The following GSTO1 variants were observed in gnomAD, a reference collection of about 807,000 sequenced individuals.
GSTO1 encodes glutathione S-transferase omega-1.
A neutral mutation model predicts 23.8 loss-of-function variants in GSTO1; 27 were observed. That is an observed-to-expected ratio of 1.13 (90% CI 0.83 to 1.56). The LOEUF (loss-of-function observed/expected upper bound fraction) is 1.56, where lower values mean the gene tolerates loss of function less well. Ranked by LOEUF, GSTO1 falls within the 40% of genes most tolerant of loss-of-function variation. GSTO1 has a pLI of 0.00. For synonymous variants in GSTO1, 105 were observed against 109.3 expected, an observed-to-expected ratio of 0.96 and a Z score of 0.25; for missense variants, 255 against 285.8, an observed-to-expected ratio of 0.89 and a Z score of 0.78.
chr10:104,254,859 G>A, upstream of GSTO1: 2 of 1,465,316 alleles, frequency 1.4e-6, no homozygotes, highest in South Asian at 1.2e-5. Context: ...AAGGAGGGCG[G>A]GAAGGACGCG....
At chr10:104,256,564 A>C (rs2091603829) in intron 2 of GSTO1, among the ~76,000 whole-genome samples, 1 of 152,222 alleles carries the variant, frequency 6.6e-6, no homozygotes, top group Non-Finnish European at 1.5e-5. Flanking sequence ...CAGACAGTGC[A>C]AACAACAAAG....
chr10:104,257,342 ATT>A (rs111298496), intron 2 of GSTO1, among the ~76,000 whole-genome samples: 1 of 139,236 alleles, frequency 7.2e-6, no homozygotes. Flanking sequence ...TTGTGGGTGG[ATT>A]TTTTTTTTTT....
chr10:104,263,041 A>AGAAGAATTTCGT lies in GSTO1; in HGVS notation c.430_441dup (p.Glu144_Arg147dup). 6.5e-7 allele frequency: 1 copy of AGAAGAATTTCGT among 1,535,088 alleles called. No individual in the cohort carries two copies. Among genetic ancestry groups the AGAAGAATTTCGT allele is most frequent in the South Asian group, 1.1e-5 (1 of 88,902 alleles). The stretch of plus-strand genomic sequence containing the variant: ...ATAAAGAAGACTATGCTGGCCTAAA[A>AGAAGAATTTCGT]GAAGAATTTCGTAAAGAATTTACCA... On this transcript the variant is annotated inframe_insertion, in exon 4 of 6. Coordinates refer to ENST00000369713, the MANE Select transcript of GSTO1 (RefSeq NM_004832.3).
At chr10:104,261,819 T>C (rs1041177775) in intron 3 of GSTO1, among the ~76,000 whole-genome samples, 1 of 152,204 alleles carries the variant, frequency 6.6e-6, no homozygotes, top group Non-Finnish European at 1.5e-5. Context: ...AGTGGACTTC[T>C]GCGTCTTGCA....
chr10:104,254,947 A>G lies in GSTO1; in HGVS notation c.19A>G (p.Arg7Gly), dbSNP rs2091594213. 2 of 1,610,976 alleles carry G rather than the reference A, an allele frequency of 1.2e-6. No individual in the cohort carries two copies. The highest frequency in any genetic ancestry group is 1.3e-5 in the African/African-American group (1 of 75,034). The change falls in exon 1 of 6, where the codon AGG (arginine) becomes GGG (glycine). Residue 7 changes from arginine (R) to glycine (G), a missense_variant. Transcript: ENST00000369713. The part of the protein sequence containing the change: MSGESA[R>G]SLGKGSAPPG... Reference sequence around the variant, plus strand: ...CGCCACGATGTCCGGGGAGTCAGCCAGGAGCTTGGGGAAGGGTGAGGCCTG... The same window carrying G: ...CGCCACGATGTCCGGGGAGTCAGCCGGGAGCTTGGGGAAGGGTGAGGCCTG...
chr10:104,255,986 G>A (rs939515119), intron 2 of GSTO1, among the ~76,000 whole-genome samples: 1 of 152,172 alleles, frequency 6.6e-6, no homozygotes, highest in African/African-American at 2.4e-5. Flanking sequence ...ACATTTATTA[G>A]ATACCTTTGG....
chr10:104,256,383 GAC>G, intron 2 of GSTO1, among the ~76,000 whole-genome samples: 1 of 152,306 alleles, frequency 6.6e-6, no homozygotes, highest in East Asian at 1.9e-4. Flanking sequence ...CCAGGAGCAT[GAC>G]ACAGCTGGAT....
At chr10:104,263,553 AG>A (rs1246953582) in intron 4 of GSTO1, among the ~76,000 whole-genome samples, 13 of 152,206 alleles carry the variant, frequency 8.5e-5, no homozygotes, top group Non-Finnish European at 1.5e-4. Context: ...CAGACACTTG[AG>A]GGAAGCCCAG....
intron 4 of GSTO1, among the ~76,000 whole-genome samples, chr10:104,265,569 C>T (rs570223165): frequency 6.6e-6 from 1 of 152,202 alleles, no homozygotes; most frequent in African/African-American, 2.4e-5. Context: ...TACACCTCTA[C>T]GACAGTGGTT....
At chr10:104,254,787 C>T (rs924492653), upstream of GSTO1, 8 of 744,006 alleles carry the variant, frequency 1.1e-5, no homozygotes, top group African/African-American at 1.4e-4. Context: ...GAAGGCACAA[C>T]GGGTGGAGCT....
At chr10:104,255,344 C>A in intron 2 of GSTO1, 73 bp downstream of exon 2, 1 of 943,022 alleles carries the variant, frequency 1.1e-6, no homozygotes, top group South Asian at 1.3e-5. Flanking sequence ...GGGGTGGGGT[C>A]TCAGCCCCCT....
intron 3 of GSTO1, among the ~76,000 whole-genome samples, chr10:104,260,418 A>G (rs1235612596): frequency 4.6e-5 from 7 of 152,238 alleles, no homozygotes; most frequent in Non-Finnish European, 1.0e-4. Flanking sequence ...CATAAGATAA[A>G]AATCAGTTAA....
chr10:104,267,189 A>C, intron 5 of GSTO1, 63 bp from the exon 6 acceptor site: 1 of 1,015,020 alleles, frequency 9.9e-7, no homozygotes, highest in South Asian at 1.6e-5. Context: ...TACATATGGG[A>C]GACTCTGTGA....
chr10:104,266,348 C>T (rs1417748870), intron 5 of GSTO1, among the ~76,000 whole-genome samples, 158 bp downstream of exon 5: 1 of 152,194 alleles, frequency 6.6e-6, no homozygotes, highest in African/African-American at 2.4e-5. Context: ...ATGTCATATA[C>T]CTACACTAAC....
chr10:104,260,707 G>T (rs1267222738), intron 3 of GSTO1, among the ~76,000 whole-genome samples: 1 of 152,224 alleles, frequency 6.6e-6, no homozygotes, highest in East Asian at 1.9e-4. Context: ...CACCTTGGTA[G>T]TACGGTCAGT....
At position 104,259,592 on chromosome 10, in the gene GSTO1, A is replaced by G; in HGVS notation, c.160A>G (p.Ile54Val). The G allele has an allele frequency of 6.2e-7, 1 of 1,608,920 alleles. No individual in the cohort carries two copies. The highest frequency in any genetic ancestry group is 8.5e-7 in the Non-Finnish European group (1 of 1,175,410). Residue 54 changes from isoleucine to valine, a missense_variant, in exon 3 of 6, where the codon ATC becomes GTC. Coordinates refer to ENST00000369713, the MANE Select transcript of GSTO1 (RefSeq NM_004832.3). ...AKGIRHEVIN[I>V]NLKNKPEWFF... The stretch of plus-strand genomic sequence containing the variant: ...GTCTTTCAGGCATGAAGTCATCAAT[A>G]TCAACCTGAAAAATAAGCCTGAGTG...
At chr10:104,258,218 A>G (rs1279019605) in intron 2 of GSTO1, among the ~76,000 whole-genome samples, 2 of 152,232 alleles carry the variant, frequency 1.3e-5, no homozygotes, top group Non-Finnish European at 2.9e-5. Context: ...GAGGAGGCAG[A>G]GGACCATCAA....
chr10:104,259,335 T>C (rs1266871885), intron 2 of GSTO1, among the ~76,000 whole-genome samples: 9 of 152,196 alleles, frequency 5.9e-5, no homozygotes, highest in African/African-American at 2.2e-4. Flanking sequence ...TGGATGGACA[T>C]TGCGGACATT....
upstream of GSTO1, chr10:104,254,719 A>T (rs2091592523): frequency 1.1e-5 from 7 of 613,064 alleles, no homozygotes; most frequent in Non-Finnish European, 2.0e-5. Flanking sequence ...GCCCTTGGCC[A>T]GCGAGATGCT....
Sources: allele counts gnomAD v4.1 joint callset (sites outside exome capture counted in the v4.1 genomes callset), GRCh38; gene constraint gnomAD v4.1.1; transcripts MANE v1.5; gene names NCBI Gene and HGNC (gene_info 2026-07-23, HGNC 2026-07-21).